Variants in MAP4K3 observed in about 807,000 individuals in gnomAD.
MAP4K3 encodes the protein MAPK/ERK kinase kinase kinase 3.
A neutral mutation model predicts 143.5 loss-of-function variants in MAP4K3; 94 were observed. The ratio of observed to expected loss-of-function variants is 0.65; its 90% CI spans 0.55 to 0.78. The LOEUF (loss-of-function observed/expected upper bound fraction) is 0.78, where lower values mean the gene tolerates loss of function less well. MAP4K3 is among the 30% of genes least tolerant of loss of function. The probability of loss-of-function intolerance (pLI) is 0.00; values close to 1 mark genes in which losing one functional copy is unlikely to be tolerated. For missense variants in MAP4K3, 1,077 were observed against 1,068.1 expected (o/e 1.01, Z -0.12); for synonymous variants, 416 against 347.2 (o/e 1.20, Z -2.20).
At chr2:39,416,595 A>G (rs1667389015) in intron 1 of MAP4K3, among the ~76,000 whole-genome samples, 1 of 152,228 alleles carries the variant, frequency 6.6e-6, no homozygotes, top group Non-Finnish European at 1.5e-5. Flanking sequence ...ACCAGAAGAA[A>G]GCAAGCATTA....
chr2:39,389,763 T>G (rs1032298803), intron 1 of MAP4K3, among the ~76,000 whole-genome samples: 12 of 152,128 alleles, frequency 7.9e-5, no homozygotes, highest in East Asian at 3.9e-4. Context: ...AATAACATAT[T>G]CTTCTAAAGG....
intron 1 of MAP4K3, among the ~76,000 whole-genome samples, chr2:39,429,577 T>C (rs977536602): frequency 1.3e-5 from 2 of 152,216 alleles, no homozygotes; most frequent in African/African-American, 2.4e-5. Context: ...TGTAAAGATA[T>C]CACCACTGGG....
At chr2:39,357,659 A>G (rs576302739) in intron 2 of MAP4K3, among the ~76,000 whole-genome samples, 91 of 152,328 alleles carry the variant, frequency 6.0e-4, no homozygotes, top group South Asian at 5.2e-3. Context: ...GGCTTTCAAA[A>G]ATTTGGAAGA....
At chr2:39,348,248 T>TCTA (rs1447694339) in intron 3 of MAP4K3, among the ~76,000 whole-genome samples, 1 of 152,030 alleles carries the variant, frequency 6.6e-6, no homozygotes, top group African/African-American at 2.4e-5. Flanking sequence ...GACACTACCT[T>TCTA]CTACTTGAAG....
chr2:39,396,857 A>G (rs570495966), intron 1 of MAP4K3, among the ~76,000 whole-genome samples: 1 of 152,358 alleles, frequency 6.6e-6, no homozygotes, highest in East Asian at 1.9e-4. Flanking sequence ...TTCACCTCTT[A>G]TAAGAGACCA....
At chr2:39,272,174 C>T in intron 26 of MAP4K3, 109 bp downstream of exon 26, 2 of 787,330 alleles carry the variant, frequency 2.5e-6, no homozygotes, top group African/African-American at 1.7e-5. Flanking sequence ...ATTATTTTTT[C>T]ATCATGATTT....
intron 1 of MAP4K3, among the ~76,000 whole-genome samples, chr2:39,426,011 T>C (rs1229343803): frequency 6.6e-6 from 1 of 152,108 alleles, no homozygotes; most frequent in African/African-American, 2.4e-5. Flanking sequence ...TCTCAAAGTA[T>C]CTCCCCATAA....
intron 1 of MAP4K3, chr2:39,436,624 G>A: frequency 4.0e-6 from 2 of 503,632 alleles, no homozygotes; most frequent in East Asian, 3.8e-5. Flanking sequence ...CTCTCGTTCT[G>A]CCCTTCCCTG....
rs1192060497 is a variant in MAP4K3, at chr2:39,415,952, C to CAA, written c.96+20938_96+20939dup. 9.4e-3 allele frequency among the ~76,000 whole-genome samples: 25 copies of CAA among 2,656 alleles called. 7 individuals carry two copies. The highest frequency in any genetic ancestry group is 0.016 in the Non-Finnish European group (18 of 1,158). The allele number at this position is 2,656 out of a possible 152,430, so 1.7% of individuals were successfully genotyped here. ...TGGGCGAGAGAGCAAGGCTCTGTCTCAAAAAAAAAAAAAAAAAAAAAAAAA... is the reference window on the plus strand; with the variant it reads ...TGGGCGAGAGAGCAAGGCTCTGTCTCAAAAAAAAAAAAAAAAAAAAAAAAAAA... On this transcript the variant is annotated intron_variant, in intron 1 of 33. Coordinates refer to ENST00000263881, the MANE Select transcript of MAP4K3 (RefSeq NM_003618.4).
chr2:39,320,562 T>C (rs1207188227), intron 12 of MAP4K3, among the ~76,000 whole-genome samples: 2 of 152,160 alleles, frequency 1.3e-5, no homozygotes, highest in East Asian at 3.8e-4. Flanking sequence ...TCTATTTTCT[T>C]TCCTTTTACT....
At chr2:39,423,411 CTTTGGTATTT>C (rs1664954028) in intron 1 of MAP4K3, among the ~76,000 whole-genome samples, 3 of 152,210 alleles carry the variant, frequency 2.0e-5, no homozygotes. Context: ...CAATCACACT[CTTTGGTATTT>C]GCCCAAATGA....
chr2:39,302,785 G>C (rs762312254), intron 15 of MAP4K3, among the ~76,000 whole-genome samples: 6 of 152,202 alleles, frequency 3.9e-5, no homozygotes, highest in Admixed American at 6.5e-5. Flanking sequence ...ATAAGTAACA[G>C]GAGCTGAAAA....
chr2:39,265,221 C>A lies in MAP4K3; in HGVS notation c.2118G>T (p.Gln706His). ...IVLLEWVEPM[Q>H]KFMLIKHIDF... The stretch of plus-strand genomic sequence containing the variant: ...TGCTTACCTTAATTAACATAAATTT[C>A]TGCATTGGTTCAACCCATTCTAATA... Residue 706 changes from glutamine to histidine, a missense_variant, in exon 28 of 34, where the codon CAG becomes CAT. Physicochemically the swap from Gln to His is conservative, Grantham distance 24. This residue lies in a region of MAP4K3 where 864 missense variants were observed against 801.2 expected (regional missense o/e 1.08). Transcript: ENST00000263881. The A allele has an allele frequency of 6.2e-7, 1 of 1,606,448 alleles. No individual in the cohort carries two copies. The highest frequency in any genetic ancestry group is 1.1e-5 in the South Asian group (1 of 90,846).
chr2:39,370,179 T>C (rs1454869268), intron 2 of MAP4K3, among the ~76,000 whole-genome samples: 1 of 152,238 alleles, frequency 6.6e-6, no homozygotes, highest in Middle Eastern at 3.2e-3. Context: ...GGAGCATTAT[T>C]ACCTTTCAAT....
chr2:39,434,240 C>G (rs1034408552), intron 1 of MAP4K3, among the ~76,000 whole-genome samples: 1 of 152,162 alleles, frequency 6.6e-6, no homozygotes, highest in East Asian at 1.9e-4. Flanking sequence ...GTACTTCTCT[C>G]TAGCACAATT....
At chr2:39,277,436 T>C (rs747436977) in intron 24 of MAP4K3, among the ~76,000 whole-genome samples, 1 of 152,212 alleles carries the variant, frequency 6.6e-6, no homozygotes, top group Non-Finnish European at 1.5e-5. Context: ...ATTCCTAATA[T>C]GACATCTAAT....
In MAP4K3 at chr2:39,292,794, C is replaced by G. The variant is rs1682102962; in HGVS notation, c.1250G>C (p.Gly417Ala). Residue 417 changes from glycine (G) to alanine (A), a missense_variant, in exon 18 of 34, where the codon GGA becomes GCA. Transcript: ENST00000263881. ...TTACTGTTTAGATTCATCATCATCT[C>G]CTTCATCATCTTCTAAATGTGCGAC... Reference protein sequence around the residue: ...GHVAHLEDDEGDDDESKHSTL... With the variant: ...GHVAHLEDDEADDDESKHSTL... The G allele has an allele frequency of 6.2e-7, 1 of 1,613,238 alleles. No individual in the cohort carries two copies. The highest frequency in any genetic ancestry group is 1.7e-5 in the Admixed American group (1 of 59,984).
chr2:39,251,938 T>A (rs762274186), intron 32 of MAP4K3, 53 bp from the exon 33 acceptor site: 99 of 1,135,114 alleles, frequency 8.7e-5, no homozygotes, highest in Non-Finnish European at 1.1e-4. Flanking sequence ...ACAAAATTTT[T>A]AATGGGCACT....
At chr2:39,265,856 T>G (rs1680742771) in intron 27 of MAP4K3, among the ~76,000 whole-genome samples, 1 of 152,022 alleles carries the variant, frequency 6.6e-6, no homozygotes, top group Non-Finnish European at 1.5e-5. Flanking sequence ...ATAATAAAAT[T>G]GAATTACCTC....
Sources: gnomAD v4.1 joint callset for allele counts (sites outside exome capture counted in the v4.1 genomes callset) on GRCh38, gnomAD v4.1.1 for gene constraint, gnomAD v4.1.1 regional missense constraint, MANE v1.5 for transcripts, NCBI Gene and HGNC (gene_info 2026-07-23, HGNC 2026-07-21) for gene names.